Variants in ST7 observed in about 807,000 individuals in gnomAD.
The protein encoded by ST7 is suppressor of tumorigenicity 7 protein.
ST7 carries 28 observed loss-of-function variants against 78.7 expected under a neutral mutation model. That is an observed-to-expected ratio of 0.36 (90% CI 0.26 to 0.49). The LOEUF is 0.49. ST7 is among the 20% of genes least tolerant of loss of function. The probability of loss-of-function intolerance (pLI) is 0.99; values close to 1 mark genes in which losing one functional copy is unlikely to be tolerated. For synonymous variants in ST7, 247 were observed against 249.6 expected, an observed-to-expected ratio of 0.99 and a Z score of 0.10; for missense variants, 418 against 696.0, an observed-to-expected ratio of 0.60 and a Z score of 4.49.
chr7:116,962,828 G>T (rs1170426452), intron 1 of ST7, among the ~76,000 whole-genome samples: 1 of 152,154 alleles, frequency 6.6e-6, no homozygotes, highest in Admixed American at 6.5e-5. Flanking sequence ...CATGTCGTCT[G>T]CAAACAGGGG....
At chr7:117,027,457 T>TAAAAGTA (rs111942127) in intron 1 of ST7, among the ~76,000 whole-genome samples, 32 of 122,024 alleles carry the variant, frequency 2.6e-4, no homozygotes, top group African/African-American at 1.0e-3. Flanking sequence ...AAAAGTAAAG[T>TAAAAGTA]AAAGTAAAAG....
intron 2 of ST7, among the ~76,000 whole-genome samples, chr7:117,110,139 A>C (rs1348339048): frequency 1.3e-5 from 2 of 152,240 alleles, no homozygotes; most frequent in East Asian, 3.8e-4. Context: ...AAGGGAAGGC[A>C]TTACAAGTCT....
intron 2 of ST7, among the ~76,000 whole-genome samples, chr7:117,105,265 A>G (rs1801864812): frequency 6.6e-6 from 1 of 152,194 alleles, no homozygotes; most frequent in Non-Finnish European, 1.5e-5. Context: ...GGGAGTTTAA[A>G]AAGTGGATCT....
intron 1 of ST7, chr7:116,972,824 G>C: frequency 9.5e-7 from 1 of 1,049,884 alleles, no homozygotes; most frequent in Non-Finnish European, 1.5e-6. Context: ...CACTGGAGAC[G>C]ATCAGCTCGC....
At chr7:117,054,950 C>A (rs1797989259) in intron 1 of ST7, among the ~76,000 whole-genome samples, 1 of 152,064 alleles carries the variant, frequency 6.6e-6, no homozygotes, top group South Asian at 2.1e-4. Flanking sequence ...TATAGGGAAC[C>A]CCAGTCATGC....
intron 1 of ST7, among the ~76,000 whole-genome samples, chr7:116,996,905 G>A (rs1794684737): frequency 6.6e-6 from 1 of 152,226 alleles, no homozygotes; most frequent in Non-Finnish European, 1.5e-5. Flanking sequence ...GCCAGTAGGA[G>A]AAATATCCCA....
intron 2 of ST7, among the ~76,000 whole-genome samples, chr7:117,112,839 G>A (rs1563090790): frequency 6.6e-6 from 1 of 152,194 alleles, no homozygotes. Flanking sequence ...TGGCTGGGGA[G>A]CCTGCAGACA....
At position 117,106,454 on chromosome 7, in the gene ST7, T is replaced by G. The variant is rs112869605; in HGVS notation, c.234+6610T>G. Among the ~76,000 whole-genome samples, 423 of 152,028 alleles carry G rather than the reference T, an allele frequency of 2.8e-3. 1 individual carries two copies. Among genetic ancestry groups the G allele is most frequent in the African/African-American group, 9.4e-3 (390 of 41,506 alleles). ...ATTTCAATAGGTTTTTGGGAAACAG[T>G]TGGTATTTCCTGAGTAAGTTCTTTA... is the stretch of plus-strand genomic sequence containing the variant. On this transcript the variant is annotated intron_variant, in intron 2 of 15. Transcript: ENST00000323984.
intron 10 of ST7, among the ~76,000 whole-genome samples, chr7:117,184,506 G>C (rs1809056354): frequency 6.6e-6 from 1 of 152,218 alleles, no homozygotes; most frequent in South Asian, 2.1e-4. Context: ...ACTACTGGTA[G>C]CTACTCTATT....
At chr7:117,003,302 T>G (rs994117928) in intron 1 of ST7, among the ~76,000 whole-genome samples, 1 of 150,920 alleles carries the variant, frequency 6.6e-6, no homozygotes, top group Non-Finnish European at 1.5e-5. Context: ...TGGCTAATTT[T>G]TCTTTATTTT....
intron 9 of ST7, among the ~76,000 whole-genome samples, chr7:117,146,892 T>C (rs1805834959): frequency 6.6e-6 from 1 of 152,152 alleles, no homozygotes; most frequent in African/African-American, 2.4e-5. Flanking sequence ...TCTTGATCTT[T>C]TTGTGGACTA....
chr7:117,044,052 C>T (rs1282458495), intron 1 of ST7, among the ~76,000 whole-genome samples: 1 of 152,178 alleles, frequency 6.6e-6, no homozygotes, highest in African/African-American at 2.4e-5. Flanking sequence ...CATTAGTTTT[C>T]AACCTACGTT....
At chr7:116,975,109 C>T (rs1220290795) in intron 1 of ST7, among the ~76,000 whole-genome samples, 1 of 152,198 alleles carries the variant, frequency 6.6e-6, no homozygotes, top group African/African-American at 2.4e-5. Context: ...AATGGACTCA[C>T]AGTTCCACAT....
chr7:117,135,185 A>AT (rs1804685976), intron 7 of ST7, among the ~76,000 whole-genome samples: 1 of 152,190 alleles, frequency 6.6e-6, no homozygotes, highest in Admixed American at 6.5e-5. Flanking sequence ...TTTCTTTGGC[A>AT]GTGGGTTGTT....
chr7:116,958,162 A>AT (rs34132237), intron 1 of ST7, among the ~76,000 whole-genome samples: 77,677 of 95,960 alleles, frequency 0.81, 31,403 homozygotes, highest in South Asian at 0.9. Flanking sequence ...TGCGTGGCTA[A>AT]TTTTTTTTTT....
At chr7:117,229,734 C>T (rs1174744128) in intron 15 of ST7, 28 bp from the exon 16 acceptor site, 1 of 1,582,542 alleles carries the variant, frequency 6.3e-7, no homozygotes, top group Non-Finnish European at 8.6e-7. Context: ...TTTCTGCTGA[C>T]TTCTGTGTCT....
intron 1 of ST7, among the ~76,000 whole-genome samples, chr7:116,978,460 A>G (rs1793801053): frequency 6.6e-6 from 1 of 152,212 alleles, no homozygotes; most frequent in African/African-American, 2.4e-5. Context: ...TTGTTTAGGG[A>G]TAGTGGGATA....
intron 13 of ST7, among the ~76,000 whole-genome samples, chr7:117,210,883 C>G (rs189378211): frequency 1.3e-5 from 2 of 152,248 alleles, no homozygotes; most frequent in Admixed American, 6.5e-5. Flanking sequence ...CTTTTTCCAC[C>G]CATGGGAAAC....
intron 1 of ST7, among the ~76,000 whole-genome samples, chr7:117,004,626 A>C (rs1327672188): frequency 3.9e-5 from 6 of 152,094 alleles, no homozygotes. Flanking sequence ...ACACCACTGC[A>C]CTCCAGCCTG....
Sources: gnomAD v4.1 joint callset for allele counts (sites outside exome capture counted in the v4.1 genomes callset) on GRCh38, gnomAD v4.1.1 for gene constraint, MANE v1.5 for transcripts, NCBI Gene and HGNC (gene_info 2026-07-23, HGNC 2026-07-21) for gene names.